CLSTN2: variants seen among roughly 807,000 people sequenced by gnomAD.
CLSTN2 encodes calsyntenin 2.
In CLSTN2, 48 loss-of-function variants were observed where a neutral mutation model predicts 101.2. The observed-to-expected ratio is 0.47, with a 90% CI of 0.38 to 0.60. The LOEUF is 0.60. Among genes scored for constraint, CLSTN2 ranks in the 20% least tolerant of loss-of-function variants. The probability of loss-of-function intolerance (pLI) is 0.00; values close to 1 mark genes in which losing one functional copy is unlikely to be tolerated. For synonymous variants in CLSTN2, 481 were observed against 463.6 expected, an observed-to-expected ratio of 1.04 and a Z score of -0.48; for missense variants, 1,160 against 1,238.2, an observed-to-expected ratio of 0.94 and a Z score of 0.95.
intron 2 of CLSTN2, among the ~76,000 whole-genome samples, chr3:140,242,014 T>A (rs753682123): frequency 6.6e-6 from 1 of 151,904 alleles, no homozygotes; most frequent in Non-Finnish European, 1.5e-5. Flanking sequence ...TTCAAGCGAT[T>A]CTCCTGCCTC....
chr3:140,360,011 C>CAT (rs1489109150), intron 2 of CLSTN2, among the ~76,000 whole-genome samples: 2 of 150,076 alleles, frequency 1.3e-5, no homozygotes, highest in African/African-American at 4.9e-5. Context: ...CACACACACA[C>CAT]ACACACACAC....
intron 2 of CLSTN2, among the ~76,000 whole-genome samples, chr3:140,348,731 C>G (rs74350914): frequency 3.0e-4 from 45 of 152,336 alleles, no homozygotes; most frequent in African/African-American, 1.0e-3. Context: ...ATAGCCCAGT[C>G]TGCCTAATAT....
chr3:140,213,751 G>A (rs1156494028), intron 2 of CLSTN2, among the ~76,000 whole-genome samples: 4 of 152,166 alleles, frequency 2.6e-5, no homozygotes, highest in African/African-American at 9.7e-5. Flanking sequence ...GCAAGATGGT[G>A]GAGTCTCACT....
intron 2 of CLSTN2, among the ~76,000 whole-genome samples, chr3:140,191,042 AC>A (rs2010559432): frequency 6.6e-6 from 1 of 152,050 alleles, no homozygotes; most frequent in African/African-American, 2.4e-5. Context: ...ATATAATGTT[AC>A]CTGTAGAGGT....
intron 2 of CLSTN2, among the ~76,000 whole-genome samples, chr3:140,285,838 A>C (rs1456161754): frequency 6.6e-6 from 1 of 152,164 alleles, no homozygotes; most frequent in Admixed American, 6.5e-5. Context: ...TTTCCAGGAC[A>C]TGAGGCTCTT....
At chr3:140,526,595 C>A (rs3965576) in intron 8 of CLSTN2, among the ~76,000 whole-genome samples, 7,100 of 98,674 alleles carry the variant, frequency 0.072, 206 homozygotes, top group Admixed American at 0.09. Context: ...AACAAACAAA[C>A]AAAAAAAAAA....
At chr3:140,419,035 A>T (rs12634537) in intron 4 of CLSTN2, among the ~76,000 whole-genome samples, 41,217 of 135,298 alleles carry the variant, frequency 0.3, 5,856 homozygotes, top group East Asian at 0.47. Flanking sequence ...ACCTTTTTTT[A>T]AAAAAAAAAT....
chr3:140,309,732 C>G (rs183623569), intron 2 of CLSTN2, among the ~76,000 whole-genome samples: 7 of 152,222 alleles, frequency 4.6e-5, no homozygotes, highest in Admixed American at 4.6e-4. Flanking sequence ...ATTATTCCCC[C>G]GTGACTAAGT....
intron 8 of CLSTN2, among the ~76,000 whole-genome samples, chr3:140,517,769 T>G (rs1576608485): frequency 6.6e-6 from 1 of 152,260 alleles, no homozygotes; most frequent in Admixed American, 6.5e-5. Flanking sequence ...GTGGCTTTGT[T>G]TATTGTACTA....
At chr3:140,315,716 T>A (rs1186544938) in intron 2 of CLSTN2, among the ~76,000 whole-genome samples, 2 of 152,188 alleles carry the variant, frequency 1.3e-5, no homozygotes, top group African/African-American at 4.8e-5. Context: ...CCTCTAGCAA[T>A]TTGTCTTCCA....
At chr3:140,207,648 T>A (rs1249453922) in intron 2 of CLSTN2, among the ~76,000 whole-genome samples, 1 of 152,224 alleles carries the variant, frequency 6.6e-6, no homozygotes, top group Non-Finnish European at 1.5e-5. Flanking sequence ...AAATAGAATA[T>A]CCTGTGCCTA....
chr3:140,385,781 T>G (rs2088046233), intron 2 of CLSTN2, among the ~76,000 whole-genome samples: 1 of 152,172 alleles, frequency 6.6e-6, no homozygotes, highest in Admixed American at 6.5e-5. Context: ...ATCACACGTT[T>G]TCTTAGAATT....
At chr3:140,438,431 T>TTA (rs367977595) in intron 5 of CLSTN2, among the ~76,000 whole-genome samples, 1 of 45,678 alleles carries the variant, frequency 2.2e-5, no homozygotes, top group Non-Finnish European at 3.2e-5. Context: ...GTCCTTTCAT[T>TTA]AAAAAAAAAA....
At chr3:140,271,243 C>T (rs940460909) in intron 2 of CLSTN2, among the ~76,000 whole-genome samples, 3 of 152,076 alleles carry the variant, frequency 2.0e-5, no homozygotes, top group Admixed American at 2.0e-4. Flanking sequence ...ATGGCAGAAG[C>T]CCAAATGCCA....
intron 9 of CLSTN2, among the ~76,000 whole-genome samples, chr3:140,536,891 G>A (rs1171438995): frequency 6.6e-6 from 1 of 152,148 alleles, no homozygotes; most frequent in Non-Finnish European, 1.5e-5. Context: ...CAAACCCTGG[G>A]ACACCACACT....
At chr3:140,409,882 T>C (rs2088343572) in intron 4 of CLSTN2, among the ~76,000 whole-genome samples, 1 of 151,946 alleles carries the variant, frequency 6.6e-6, no homozygotes, top group Non-Finnish European at 1.5e-5. Flanking sequence ...TTTTGGAGCT[T>C]GAGAATACAA....
intron 1 of CLSTN2, among the ~76,000 whole-genome samples, chr3:140,103,807 G>T (rs1446744449): frequency 6.6e-6 from 1 of 152,166 alleles, no homozygotes; most frequent in Non-Finnish European, 1.5e-5. Context: ...TCCCAGTTGG[G>T]CTCTCAAAGA....
chr3:140,103,421 A>G (rs1056405093), intron 1 of CLSTN2, among the ~76,000 whole-genome samples: 2 of 152,208 alleles, frequency 1.3e-5, no homozygotes, highest in Non-Finnish European at 1.5e-5. Context: ...TCTCTCAACC[A>G]CAATTTTCTG....
chr3:140,510,031 A>G (rs1331267211), intron 8 of CLSTN2, among the ~76,000 whole-genome samples: 1 of 152,262 alleles, frequency 6.6e-6, no homozygotes, highest in Non-Finnish European at 1.5e-5. Flanking sequence ...CCATGTGCTC[A>G]GAACACTTAC....
Sources: allele counts gnomAD v4.1 joint callset (sites outside exome capture counted in the v4.1 genomes callset), GRCh38; gene constraint gnomAD v4.1.1; transcripts MANE v1.5; gene names NCBI Gene and HGNC (gene_info 2026-07-23, HGNC 2026-07-21).